MEIOB: variants seen among roughly 807,000 people sequenced by gnomAD.
MEIOB encodes meiosis specific with OB-fold, also known as meiosis-specific with OB domain-containing protein.
A neutral mutation model predicts 53.1 loss-of-function variants in MEIOB; 50 were observed. The ratio of observed to expected loss-of-function variants is 0.94; its 90% CI spans 0.75 to 1.19. The LOEUF (loss-of-function observed/expected upper bound fraction) is 1.19, where lower values mean the gene tolerates loss of function less well. Ranked by LOEUF, MEIOB falls within the 50% of genes most tolerant of loss-of-function variation. The pLI is 0.00. For missense variants in MEIOB, 551 were observed against 550.8 expected, an observed-to-expected ratio of 1.00 and a Z score of 0.00; for synonymous variants, 192 against 182.5, an observed-to-expected ratio of 1.05 and a Z score of -0.42.
intron 9 of MEIOB, among the ~76,000 whole-genome samples, chr16:1,847,713 A>G (rs1057472563): frequency 2.0e-5 from 3 of 152,140 alleles, no homozygotes; most frequent in Non-Finnish European, 2.9e-5. Context: ...CAAAGTTCCC[A>G]TATAAATCGG....
intron 1 of MEIOB, among the ~76,000 whole-genome samples, chr16:1,869,797 C>T (rs761204684): frequency 1.3e-5 from 2 of 151,584 alleles, no homozygotes. Flanking sequence ...ATCAAGCTTA[C>T]CTCAAAAAAT....
intron 1 of MEIOB, among the ~76,000 whole-genome samples, chr16:1,871,624 TA>T (rs1213920388): frequency 6.9e-6 from 1 of 145,292 alleles, no homozygotes; most frequent in Non-Finnish European, 1.5e-5. Context: ...TCCCGGGTTC[TA>T]GCGAGTCTCC....
intron 6 of MEIOB, among the ~76,000 whole-genome samples, chr16:1,857,277 C>T (rs534597955): frequency 7.2e-5 from 11 of 152,186 alleles, no homozygotes; most frequent in Non-Finnish European, 1.5e-4. Context: ...ACCTATTAGA[C>T]CATGGAGCCC....
At chr16:1,837,961 G>T in intron 12 of MEIOB, 91 bp from the exon 13 acceptor site, 2 of 1,446,212 alleles carry the variant, frequency 1.4e-6, no homozygotes, top group East Asian at 5.0e-5. Flanking sequence ...TTTCTCATTA[G>T]AAATGAAATT....
At chr16:1,843,235 G>A (rs1349752760) in intron 10 of MEIOB, among the ~76,000 whole-genome samples, 1 of 151,508 alleles carries the variant, frequency 6.6e-6, no homozygotes, top group East Asian at 2.0e-4. Context: ...GGAGCTTGCA[G>A]TGAGCCGAGA....
chr16:1,854,013 T>C lies in MEIOB; in HGVS notation c.629+87A>G, dbSNP rs1899237185. On this transcript the variant is annotated intron_variant, in intron 7 of 13. Transcript: ENST00000325962. ...CTCCTATCATTATCCTCTCTTGATATGAAGTCCATCATATTTTTGATAAAA... is the reference window on the plus strand; with the variant it reads ...CTCCTATCATTATCCTCTCTTGATACGAAGTCCATCATATTTTTGATAAAA... The C allele has an allele frequency of 5.3e-6, 4 of 750,494 alleles. No homozygotes were observed. The East Asian group carries it at 1.1e-4, about 20-fold the overall frequency. 46.5% of individuals were successfully genotyped at this position (750,494 alleles called of 1,614,324 possible). A position where few individuals can be genotyped will look rare whatever the true frequency, so the allele number is the denominator to read the frequency against.
intron 2 of MEIOB, among the ~76,000 whole-genome samples, chr16:1,866,995 G>A (rs575956664): frequency 1.0e-3 from 156 of 152,278 alleles, no homozygotes; most frequent in Non-Finnish European, 1.7e-3. Flanking sequence ...TAATGGAAAT[G>A]TTGAGTAAAA....
At chr16:1,860,349 A>G (rs1899411459) in intron 5 of MEIOB, 54 bp downstream of exon 5, 1 of 952,716 alleles carries the variant, frequency 1.0e-6, no homozygotes, top group Non-Finnish European at 1.6e-6. Context: ...ATCTGATACA[A>G]CATTATTAGT....
Position 1,872,134 on chromosome 16 carries a change from G to C in MEIOB, c.-151C>G, listed in dbSNP as rs1377954482. The C allele has an allele frequency of 6.6e-6, 1 of 151,930 alleles. No homozygotes were observed. Among genetic ancestry groups the C allele is most frequent in the Non-Finnish European group, 1.5e-5 (1 of 68,030 alleles). 9.4% of individuals were successfully genotyped at this position (151,930 alleles called of 1,614,324 possible). ...TCGGGCCACAGCCTCGTGCAGGTGC[G>C]ACGGCCGCGCGACCGTTAGCGCGAG... On this transcript the variant is annotated 5_prime_UTR_variant, in exon 1 of 14. Transcript: ENST00000325962.
At chr16:1,842,732 C>G (rs190221363) in intron 10 of MEIOB, among the ~76,000 whole-genome samples, 4,405 of 150,762 alleles carry the variant, frequency 0.029, 74 homozygotes, top group Non-Finnish European at 0.05. Flanking sequence ...GGCGCGATCT[C>G]GGCTCACTGC....
intron 3 of MEIOB, 56 bp downstream of exon 3, chr16:1,865,722 G>A (rs1899576639): frequency 1.6e-6 from 2 of 1,242,454 alleles, no homozygotes; most frequent in Non-Finnish European, 2.3e-6. Context: ...ATACTTTGTT[G>A]TAGTCATAAG....
chr16:1,838,266 G>C, intron 12 of MEIOB: 1 of 410,310 alleles, frequency 2.4e-6, no homozygotes, highest in Middle Eastern at 5.1e-4. Flanking sequence ...TCCCAAAGTG[G>C]TAGGATTACA....
chr16:1,862,601 C>A (rs929126680), intron 3 of MEIOB, among the ~76,000 whole-genome samples: 2 of 152,092 alleles, frequency 1.3e-5, no homozygotes, highest in African/African-American at 4.8e-5. Flanking sequence ...GCCTGGGCAA[C>A]AGAGCAAGAC....
At chr16:1,863,417 G>T (rs1215008243) in intron 3 of MEIOB, among the ~76,000 whole-genome samples, 2 of 148,914 alleles carry the variant, frequency 1.3e-5, no homozygotes, top group Admixed American at 6.8e-5. Flanking sequence ...ACGGAGTTTC[G>T]CTCTTGTTAC....
intron 12 of MEIOB, 160 bp from the exon 13 acceptor site, chr16:1,838,030 T>C: frequency 7.4e-7 from 1 of 1,356,714 alleles, no homozygotes; most frequent in Non-Finnish European, 9.9e-7. Context: ...AGGGTCTCAC[T>C]CTGTCGCCCA....
In MEIOB at chr16:1,844,947, GT is replaced by G; in HGVS notation, c.794del (p.Asn265ThrfsTer4). 1 of 1,520,324 alleles carries G rather than the reference GT, an allele frequency of 6.6e-7. No homozygotes were observed. The highest frequency in any genetic ancestry group is 1.2e-5 in the South Asian group (1 of 84,594). 94.2% of individuals were successfully genotyped at this position (1,520,324 alleles called of 1,614,324 possible). On this transcript the variant is annotated frameshift_variant, in exon 10 of 14. Transcript: ENST00000325962. LOFTEE classifies it high-confidence loss of function. ...TTTCTCGTATAAAATTCAGCAGAAT[GT>G]TAGCTTCTGGTATATCTTAAATTGA... ...ITTNPDIPEA[N>X]ILLNFIRENK... is the part of the protein sequence containing the mutation.
Position 1,853,272 on chromosome 16 carries a change from C to A in MEIOB, c.630-1G>T. ...AAGTAGAATGGATTCATTATCCCAACTGCATTTGTTTAAAAAGAAGTAATA... is the reference window on the plus strand; with the variant it reads ...AAGTAGAATGGATTCATTATCCCAAATGCATTTGTTTAAAAAGAAGTAATA... On this transcript the variant is annotated splice_acceptor_variant, in intron 7 of 13. Transcript: ENST00000325962. LOFTEE classifies it high-confidence loss of function. 1 of 1,546,444 alleles carries A rather than the reference C, an allele frequency of 6.5e-7. No homozygotes were observed. The highest frequency in any genetic ancestry group is 8.8e-7 in the Non-Finnish European group (1 of 1,142,028).
At chr16:1,856,759 C>CTTTTT (rs3045430) in intron 6 of MEIOB, among the ~76,000 whole-genome samples, 2 of 84,196 alleles carry the variant, frequency 2.4e-5, no homozygotes, top group East Asian at 6.9e-4. Context: ...CACGCCAGGC[C>CTTTTT]TTTTTTTTTT....
intron 3 of MEIOB, 73 bp from the exon 4 acceptor site, chr16:1,862,189 A>G: frequency 8.1e-7 from 1 of 1,232,384 alleles, no homozygotes; most frequent in Non-Finnish European, 1.1e-6. Context: ...GATAAGTGTT[A>G]CATGAAAAGT....
Sources: allele counts gnomAD v4.1 joint callset (sites outside exome capture counted in the v4.1 genomes callset), GRCh38; gene constraint gnomAD v4.1.1; transcripts MANE v1.5; gene names NCBI Gene and HGNC (gene_info 2026-07-23, HGNC 2026-07-21).